The following PCDH19 variants were observed in gnomAD, a reference collection of about 807,000 sequenced individuals.
PCDH19 encodes the protein protocadherin-19.
A neutral mutation model predicts 46.2 loss-of-function variants in PCDH19; 6 were observed. The ratio of observed to expected loss-of-function variants is 0.13; its 90% CI spans 0.07 to 0.26. PCDH19 has a LOEUF of 0.26. Among genes scored for constraint, PCDH19 ranks in the 10% least tolerant of loss-of-function variants. PCDH19 has a pLI of 1.00. For missense variants in PCDH19, 740 were observed against 972.3 expected, an observed-to-expected ratio of 0.76 and a Z score of 3.18; for synonymous variants, 481 against 415.7, an observed-to-expected ratio of 1.16 and a Z score of -1.91.
At chrX:100,301,168 C>T (rs998422831) in intron 5 of PCDH19, among the ~76,000 whole-genome samples, 4 of 111,545 alleles carry the variant, frequency 3.6e-5, no homozygotes, top group African/African-American at 1.3e-4. Flanking sequence ...ACCCATGGTC[C>T]CCACCAAAGT....
At chrX:100,340,626 A>G (rs1408565503) in intron 5 of PCDH19, among the ~76,000 whole-genome samples, 1 of 111,772 alleles carries the variant, frequency 8.9e-6, no homozygotes, top group Non-Finnish European at 1.9e-5. Flanking sequence ...CCACTCACCA[A>G]TTAGGGAAGA....
At position 100,408,264 on chromosome X, in the gene PCDH19, T is replaced by C; in HGVS notation, c.334A>G (p.Ile112Val). The change falls in exon 1 of 6, where the codon ATC (isoleucine) becomes GTC (valine). Residue 112 changes from isoleucine (I) to valine (V), a missense_variant. Around this residue, in one of 5 missense-constraint regions of PCDH19, gnomAD observed 81 missense variants for 96.5 expected, o/e 0.84. Transcript: ENST00000373034. The stretch of plus-strand genomic sequence containing the variant: ...TTGATCTCCACCTTTATCACGCAGA[T>C]TTCCATTGAGCTGGACATGACCTCG... Reference protein sequence around the residue: ...SLEVMSSSMEICVIKVEIKDL... With the variant: ...SLEVMSSSMEVCVIKVEIKDL... 1 of 1,211,608 alleles carries C rather than the reference T, an allele frequency of 8.3e-7. No individual in the cohort carries two copies. The highest frequency in any genetic ancestry group is 1.1e-6 in the Non-Finnish European group (1 of 895,425).
In PCDH19 at chrX:100,408,193, C is replaced by T. The variant is rs1167814430; in HGVS notation, c.405G>A (p.Glu135=). 1 of 1,212,381 alleles carries T rather than the reference C, an allele frequency of 8.2e-7. No individual in the cohort carries two copies. Among genetic ancestry groups the T allele is most frequent in the South Asian group, 1.8e-5 (1 of 57,012 alleles). Residue 135 remains glutamate (E), a synonymous_variant, in exon 1 of 6, where the codon GAG becomes GAA. Transcript: ENST00000373034. Reference sequence around the variant, plus strand: ...GGCTGGCTGCCTCCGAGATCTCCAGCTCGATCTGTGCTGCCGGGAAACTGG... The same window carrying T: ...GGCTGGCTGCCTCCGAGATCTCCAGTTCGATCTGTGCTGCCGGGAAACTGG... ...NAPSFPAAQI[E]LEISEAASPG... is the part of the protein sequence containing the mutation.
intron 5 of PCDH19, among the ~76,000 whole-genome samples, chrX:100,303,289 AGAAG>A (rs1220882386): frequency 9.0e-6 from 1 of 110,532 alleles, no homozygotes; most frequent in Middle Eastern, 4.2e-3. Context: ...AGGAAATGGA[AGAAG>A]GAAGGAAGGA....
At chrX:100,297,210 A>C (rs1203520150) in intron 5 of PCDH19, among the ~76,000 whole-genome samples, 1 of 111,623 alleles carries the variant, frequency 9.0e-6, no homozygotes, top group African/African-American at 3.3e-5. Flanking sequence ...CTCCTGCTAA[A>C]AATCACCTGT....
At chrX:100,357,896 A>G (rs1383228728) in intron 3 of PCDH19, among the ~76,000 whole-genome samples, 1 of 112,103 alleles carries the variant, frequency 8.9e-6, no homozygotes, top group African/African-American at 3.2e-5. Flanking sequence ...TCAATGAATG[A>G]TCAGAGAAGA....
chrX:100,335,755 C>A (rs1926065522), intron 5 of PCDH19, among the ~76,000 whole-genome samples: 1 of 111,796 alleles, frequency 8.9e-6, no homozygotes, highest in African/African-American at 3.3e-5. Context: ...CAGAGCCAGG[C>A]ACATAGTGGG....
chrX:100,363,172 C>T (rs1926944206), intron 3 of PCDH19, among the ~76,000 whole-genome samples: 1 of 110,226 alleles, frequency 9.1e-6, no homozygotes, highest in Non-Finnish European at 1.9e-5. Flanking sequence ...GGCGTAGTGG[C>T]GCATGCCTGT....
chrX:100,322,835 A>G (rs970010169), intron 5 of PCDH19, among the ~76,000 whole-genome samples: 379 of 11,445 alleles, frequency 0.033, 11 homozygotes, highest in African/African-American at 0.048. Flanking sequence ...ATTCCTAAGT[A>G]TATATATATA....
At chrX:100,397,995 T>TAC (rs72048003) in intron 3 of PCDH19, among the ~76,000 whole-genome samples, 1,754 of 107,122 alleles carry the variant, frequency 0.016, 36 homozygotes, top group African/African-American at 0.053. Context: ...TACGCCCTCA[T>TAC]ACACACACAC....
At chrX:100,312,550 T>G in intron 5 of PCDH19, among the ~76,000 whole-genome samples, 1 of 111,922 alleles carries the variant, frequency 8.9e-6, no homozygotes, top group East Asian at 2.8e-4. Flanking sequence ...AAGTAAGCTA[T>G]ATTTTTTCAG....
intron 3 of PCDH19, among the ~76,000 whole-genome samples, chrX:100,370,888 C>T (rs1385670798): frequency 9.2e-6 from 1 of 108,709 alleles, no homozygotes; most frequent in Non-Finnish European, 1.9e-5. Context: ...TCAGCCATTA[C>T]CTTCATTAAC....
intron 5 of PCDH19, among the ~76,000 whole-genome samples, chrX:100,299,903 C>G (rs750385152): frequency 8.9e-6 from 1 of 112,375 alleles, no homozygotes; most frequent in African/African-American, 3.2e-5. Flanking sequence ...CTCACAGTGT[C>G]TCATCCTTGG....
chrX:100,305,946 T>C (rs1334252300), intron 5 of PCDH19, among the ~76,000 whole-genome samples: 1 of 111,671 alleles, frequency 9.0e-6, no homozygotes, highest in Non-Finnish European at 1.9e-5. Context: ...AGAAATAAGA[T>C]AGATGGCAAC....
At chrX:100,391,144 C>T (rs1015597462) in intron 3 of PCDH19, among the ~76,000 whole-genome samples, 1 of 111,025 alleles carries the variant, frequency 9.0e-6, no homozygotes, top group African/African-American at 3.3e-5. Flanking sequence ...ATATACAAAA[C>T]AGTTTTCAAG....
At chrX:100,328,932 C>T (rs1389137208) in intron 5 of PCDH19, among the ~76,000 whole-genome samples, 1 of 111,747 alleles carries the variant, frequency 8.9e-6, no homozygotes, top group Non-Finnish European at 1.9e-5. Context: ...ATTAGCGTCA[C>T]AAAGGAAACA....
intron 5 of PCDH19, among the ~76,000 whole-genome samples, chrX:100,313,811 T>C (rs1198670146): frequency 9.2e-6 from 1 of 108,576 alleles, no homozygotes; most frequent in African/African-American, 3.4e-5. Context: ...TGCAGAATTA[T>C]ATTTTAAAAC....
At chrX:100,377,093 G>A (rs1346462170) in intron 3 of PCDH19, among the ~76,000 whole-genome samples, 1 of 112,059 alleles carries the variant, frequency 8.9e-6, no homozygotes, top group Non-Finnish European at 1.9e-5. Flanking sequence ...ACATAGCAAT[G>A]TTTATTTCTC....
rs748611349 is a variant in PCDH19 at position 100,406,926 on chromosome X, C to T, written c.1672G>A (p.Asp558Asn). ...TVRVIILDVN[D>N]NTPVITAPPL... ...GGGGCTGTGATGACCGGGGTGTTGTCGTTGACGTCGAGGATGATGACCCGC... is the reference window on the plus strand; with the variant it reads ...GGGGCTGTGATGACCGGGGTGTTGTTGTTGACGTCGAGGATGATGACCCGC... Residue 558 changes from aspartate to asparagine, a missense_variant, in exon 1 of 6, where the codon GAC (aspartate) becomes AAC (asparagine). By Grantham distance (23) the Asp-to-Asn change is conservative. Around this residue, in one of 5 missense-constraint regions of PCDH19, gnomAD observed 186 missense variants for 319.9 expected, o/e 0.58. Coordinates refer to ENST00000373034, the MANE Select transcript of PCDH19 (RefSeq NM_001184880.2). 1.7e-6 allele frequency: 2 copies of T among 1,211,545 alleles called. No individual in the cohort carries two copies. Among genetic ancestry groups the T allele is most frequent in the Non-Finnish European group, 2.2e-6 (2 of 895,414 alleles).
Sources: allele counts gnomAD v4.1 joint callset (sites outside exome capture counted in the v4.1 genomes callset), GRCh38; gene constraint gnomAD v4.1.1; regional missense constraint gnomAD v4.1.1; transcripts MANE v1.5; gene names NCBI Gene and HGNC (gene_info 2026-07-23, HGNC 2026-07-21).